VRTN: variants seen among roughly 807,000 people sequenced by gnomAD.
VRTN encodes the protein vertnin.
A neutral mutation model predicts 18.2 loss-of-function variants in VRTN; 5 were observed. The ratio of observed to expected loss-of-function variants is 0.27; its 90% confidence interval spans 0.14 to 0.58. The LOEUF is 0.58. Ranked by LOEUF, VRTN falls within the 20% of genes least tolerant of loss-of-function variation. The pLI is 0.91. For missense variants in VRTN, 741 were observed against 939.4 expected (o/e 0.79, Z 2.76); for synonymous variants, 381 against 393.7 (o/e 0.97, Z 0.38).
intron 1 of VRTN, among the ~76,000 whole-genome samples, chr14:74,323,043 G>C (rs1230562714): frequency 6.6e-6 from 1 of 152,062 alleles, no homozygotes; most frequent in Non-Finnish European, 1.5e-5. Context: ...TGAGGCAGGA[G>C]AATCACTTGA....
Position 74,330,358 on chromosome 14 carries a change from A to G in VRTN, c.-163-7365A>G, listed in dbSNP as rs189391651. ...CCTGCTCTTTCTGGGGAAAAAAAGTAAAGGACCCAGAGTGGCCTTGAATTA... is the reference window on the plus strand; with the variant it reads ...CCTGCTCTTTCTGGGGAAAAAAAGTGAAGGACCCAGAGTGGCCTTGAATTA... On this transcript the variant is annotated intron_variant, in intron 1 of 2. Transcript: ENST00000557177. 3.4e-3 allele frequency among the ~76,000 whole-genome samples: 515 copies of G among 152,312 alleles called. 4 individuals are homozygous for G. The highest frequency in any genetic ancestry group is 5.4e-3 in the Non-Finnish European group (367 of 68,036).
At chr14:74,335,220 G>A (rs1178975558) in intron 1 of VRTN, among the ~76,000 whole-genome samples, 1 of 152,210 alleles carries the variant, frequency 6.6e-6, no homozygotes, top group Non-Finnish European at 1.5e-5. Context: ...GGCGGAGTTT[G>A]CAGTGAGCTG....
At chr14:74,335,262 C>G (rs1203121366) in intron 1 of VRTN, among the ~76,000 whole-genome samples, 1 of 152,122 alleles carries the variant, frequency 6.6e-6, no homozygotes, top group African/African-American at 2.4e-5. Flanking sequence ...GCCTGGGTGA[C>G]AGAGCAAGAA....
intron 1 of VRTN, among the ~76,000 whole-genome samples, chr14:74,311,015 A>G (rs1407978401): frequency 1.3e-5 from 2 of 152,114 alleles, no homozygotes; most frequent in East Asian, 3.9e-4. Flanking sequence ...TCTGTAAATG[A>G]GGGTAATAAT....
At chr14:74,351,852 C>CTT (rs553070112) in intron 1 of VRTN, among the ~76,000 whole-genome samples, 1 of 149,556 alleles carries the variant, frequency 6.7e-6, no homozygotes, top group Admixed American at 6.7e-5. Context: ...TCCCTCAGTA[C>CTT]TTTTTTTTTT....
upstream of VRTN, among the ~76,000 whole-genome samples, chr14:74,343,729 G>A (rs1026519612): frequency 1.3e-5 from 2 of 152,104 alleles, no homozygotes; most frequent in Non-Finnish European, 2.9e-5. Flanking sequence ...ATTGAGATGT[G>A]CTTTAAGTGT....
upstream of VRTN, among the ~76,000 whole-genome samples, chr14:74,343,793 C>A (rs761597776): frequency 6.6e-6 from 1 of 151,916 alleles, no homozygotes; most frequent in Non-Finnish European, 1.5e-5. Flanking sequence ...GTAAAACATA[C>A]ATCGCATTAA....
At chr14:74,306,334 TAAA>T (rs949510612) in intron 1 of VRTN, among the ~76,000 whole-genome samples, 1 of 150,788 alleles carries the variant, frequency 6.6e-6, no homozygotes, top group Non-Finnish European at 1.5e-5. Context: ...CACAGCTAAT[TAAA>T]AAAAATTTTT....
chr14:74,352,733 G>GA (rs1595175448), intron 1 of VRTN, among the ~76,000 whole-genome samples: 2 of 151,984 alleles, frequency 1.3e-5, no homozygotes, highest in African/African-American at 4.8e-5. Flanking sequence ...AGTTTGATCT[G>GA]AAAAATGTAT....
intron 1 of VRTN, among the ~76,000 whole-genome samples, chr14:74,354,697 C>T (rs2085712344): frequency 6.6e-6 from 1 of 152,038 alleles, no homozygotes. Context: ...GCCACCACAC[C>T]CAGCCCCATG....
chr14:74,308,589 A>G (rs923041475), intron 1 of VRTN, among the ~76,000 whole-genome samples: 4 of 150,762 alleles, frequency 2.7e-5, no homozygotes, highest in African/African-American at 9.8e-5. Flanking sequence ...ATCTCGGCCC[A>G]CTGCAACCTC....
At chr14:74,339,163 T>A (rs1595170795) in intron 2 of VRTN, among the ~76,000 whole-genome samples, 1 of 152,154 alleles carries the variant, frequency 6.6e-6, no homozygotes, top group Admixed American at 6.6e-5. Context: ...TAATTGTAAT[T>A]TGAATTGACA....
At chr14:74,318,049 T>C (rs1307725360) in intron 1 of VRTN, among the ~76,000 whole-genome samples, 1 of 151,764 alleles carries the variant, frequency 6.6e-6, no homozygotes, top group South Asian at 2.1e-4. Context: ...AGCCCAGGAG[T>C]TCAAGGCTGC....
chr14:74,307,071 G>T (rs2085357147), intron 1 of VRTN, among the ~76,000 whole-genome samples: 1 of 149,698 alleles, frequency 6.7e-6, no homozygotes, highest in Non-Finnish European at 1.5e-5. Flanking sequence ...TTTATAAGGA[G>T]AATTGCTCTG....
intron 1 of VRTN, among the ~76,000 whole-genome samples, 200 bp downstream of exon 1, chr14:74,348,852 T>TCCCCAC (rs927145143): frequency 1.4e-5 from 2 of 147,420 alleles, no homozygotes; most frequent in Non-Finnish European, 3.0e-5. Context: ...GCTCTCTTTC[T>TCCCCAC]CCCCACCCCC....
In VRTN at chr14:74,303,843, A is replaced by ATTTTT. The variant is rs67822776; in HGVS notation, c.-164+688_-164+692dup. 8.6e-3 allele frequency among the ~76,000 whole-genome samples: 761 copies of ATTTTT among 88,372 alleles called. 31 individuals carry two copies. The highest frequency in any genetic ancestry group is 0.028 in the African/African-American group (550 of 19,302). The allele number at this position is 88,372 out of a possible 152,430, so 58.0% of individuals were successfully genotyped here. On this transcript the variant is annotated intron_variant, in intron 1 of 2. Transcript: ENST00000557177. ...TAGGTCAATCAGTTGACAATTACAG[A>ATTTTT]TTTTTTTTTTTTTTTTTTTTTTTTT...
chr14:74,351,874 T>C lies in VRTN; in HGVS notation c.-2+3222T>C, dbSNP rs1012594796. On this transcript the variant is annotated intron_variant, in intron 1 of 1. Coordinates refer to ENST00000256362, the MANE Select transcript of VRTN (RefSeq NM_018228.3). Reference sequence around the variant, plus strand: ...GTACTTTTTTTTTTGAGACGGAGTCTCGCTCTGTTTCCAGGCTAGAGTACA... The same window carrying C: ...GTACTTTTTTTTTTGAGACGGAGTCCCGCTCTGTTTCCAGGCTAGAGTACA... Among the ~76,000 whole-genome samples the C allele has an allele frequency of 2.0e-5, 3 of 152,280 alleles. No individual in the cohort carries two copies. The East Asian group carries it at 5.8e-4, about 29-fold the overall frequency.
intron 1 of VRTN, among the ~76,000 whole-genome samples, chr14:74,332,087 C>A (rs2085529788): frequency 6.6e-6 from 1 of 151,866 alleles, no homozygotes; most frequent in African/African-American, 2.4e-5. Context: ...GAAGCCACAC[C>A]ATGGGAAAAA....
chr14:74,324,041 C>T (rs1286085947), intron 1 of VRTN, among the ~76,000 whole-genome samples: 1 of 151,984 alleles, frequency 6.6e-6, no homozygotes, highest in Non-Finnish European at 1.5e-5. Flanking sequence ...GGATTGAGAG[C>T]TTCATGTAAA....
Sources: gnomAD v4.1 joint callset for allele counts (sites outside exome capture counted in the v4.1 genomes callset) on GRCh38, gnomAD v4.1.1 for gene constraint, MANE v1.5 for transcripts, NCBI Gene and HGNC (gene_info 2026-07-23, HGNC 2026-07-21) for gene names.